The following TENM2 variants were observed in gnomAD, a reference collection of about 807,000 sequenced individuals.
The protein encoded by TENM2 is teneurin transmembrane protein 2, also known as teneurin-2.
A neutral mutation model predicts 245.2 loss-of-function variants in TENM2; 52 were observed. The observed-to-expected ratio is 0.21, with a 90% CI of 0.17 to 0.27. TENM2 has a LOEUF of 0.27. Ranked by LOEUF, TENM2 falls within the 10% of genes least tolerant of loss-of-function variation. The pLI is 1.00. For missense variants in TENM2, 3,046 were observed against 3,666.8 expected (o/e 0.83, Z 4.37); for synonymous variants, 1,363 against 1,438.9 (o/e 0.95, Z 1.19).
intron 2 of TENM2, among the ~76,000 whole-genome samples, chr5:167,556,470 G>A (rs992641497): frequency 3.6e-4 from 55 of 151,160 alleles, no homozygotes; most frequent in Admixed American, 3.3e-4. Context: ...CAGCGTGTAC[G>A]TTTGCTTATT....
At chr5:167,442,349 C>A (rs77752063) in intron 2 of TENM2, among the ~76,000 whole-genome samples, 135 of 152,244 alleles carry the variant, frequency 8.9e-4, no homozygotes, top group Middle Eastern at 3.4e-3. Context: ...ATACAAAATG[C>A]TGTGATAAAC....
At chr5:167,280,461 C>G (rs1044575841), upstream of TENM2, among the ~76,000 whole-genome samples, 1 of 152,126 alleles carries the variant, frequency 6.6e-6, no homozygotes, top group Non-Finnish European at 1.5e-5. Context: ...AGTCCTGGCT[C>G]TCCTGTACTG....
intron 25 of TENM2, among the ~76,000 whole-genome samples, chr5:168,240,278 G>A (rs532344453): frequency 6.6e-6 from 1 of 152,292 alleles, no homozygotes; most frequent in Admixed American, 6.5e-5. Flanking sequence ...GATTCAGCAG[G>A]CGTGGAGCCA....
chr5:167,980,752 T>A (rs796099491), intron 4 of TENM2, among the ~76,000 whole-genome samples: 1 of 152,242 alleles, frequency 6.6e-6, no homozygotes, highest in South Asian at 2.1e-4. Context: ...AAGATTGCTG[T>A]GTGCAGCAGG....
intron 2 of TENM2, among the ~76,000 whole-genome samples, chr5:167,740,278 T>C (rs567559839): frequency 5.9e-5 from 9 of 152,276 alleles, no homozygotes; most frequent in African/African-American, 2.2e-4. Context: ...GAAACACAAA[T>C]GCAGAAACGT....
At chr5:168,225,732 G>A (rs1764111736) in intron 23 of TENM2, among the ~76,000 whole-genome samples, 1 of 147,754 alleles carries the variant, frequency 6.8e-6, no homozygotes, top group Admixed American at 6.8e-5. Context: ...CTGCACTCCA[G>A]CCTGGGACAG....
chr5:168,102,196 C>T (rs1793876627), intron 9 of TENM2, among the ~76,000 whole-genome samples: 2 of 152,038 alleles, frequency 1.3e-5, no homozygotes, highest in East Asian at 1.9e-4. Flanking sequence ...GCCTCAGCCT[C>T]CTGAGTAGCT....
the TENM2 span, among the ~76,000 whole-genome samples, chr5:167,133,697 CTT>C: frequency 9.9e-5 from 15 of 151,442 alleles, no homozygotes; most frequent in Non-Finnish European, 2.1e-4. Context: ...TTTGCAGGGC[CTT>C]TGTTTCGTAG....
exon 29 of TENM2, chr5:168,262,552 C>G (rs368729024): frequency 1.3e-5 from 21 of 1,558,874 alleles, no homozygotes; most frequent in Non-Finnish European, 1.7e-5. Context: ...ACACCCTGGA[C>G]GAAGAGAAGG....
At chr5:167,698,687 T>TTTTTTTTTTTTTTTTTTTTTTTA (rs1757942479) in intron 2 of TENM2, among the ~76,000 whole-genome samples, 1 of 141,484 alleles carries the variant, frequency 7.1e-6, no homozygotes, top group Non-Finnish European at 1.5e-5. Flanking sequence ...TTGTTTTTTT[T>TTTTTTTTTTTTTTTTTTTTTTTA]TTTTTTTTTT....
chr5:168,178,906 G>A (rs778879993), intron 13 of TENM2, among the ~76,000 whole-genome samples: 3 of 152,022 alleles, frequency 2.0e-5, no homozygotes, highest in African/African-American at 4.8e-5. Flanking sequence ...AGGCCGAGGC[G>A]GATGGATCAC....
intron 7 of TENM2, among the ~76,000 whole-genome samples, chr5:168,062,863 C>G (rs1425761974): frequency 6.6e-6 from 1 of 152,148 alleles, no homozygotes; most frequent in Non-Finnish European, 1.5e-5. Flanking sequence ...TTGCCAGGAA[C>G]TGGGAATTGG....
chr5:167,665,317 A>C (rs1755499047), intron 2 of TENM2, among the ~76,000 whole-genome samples: 1 of 152,194 alleles, frequency 6.6e-6, no homozygotes, highest in South Asian at 2.1e-4. Flanking sequence ...TGATATTGTC[A>C]TTAGTGTCGG....
At chr5:167,004,775 A>G in the TENM2 span, among the ~76,000 whole-genome samples, 1 of 152,158 alleles carries the variant, frequency 6.6e-6, no homozygotes, top group Non-Finnish European at 1.5e-5. Context: ...ACTGGGTTAG[A>G]AGGGCCTTAC....
intron 2 of TENM2, among the ~76,000 whole-genome samples, chr5:167,852,810 G>A (rs1241045970): frequency 6.6e-6 from 1 of 152,158 alleles, no homozygotes; most frequent in African/African-American, 2.4e-5. Flanking sequence ...AAGGAATACA[G>A]CCATCCTAAT....
intron 9 of TENM2, among the ~76,000 whole-genome samples, chr5:168,116,606 C>T (rs1201222610): frequency 6.6e-6 from 1 of 152,164 alleles, no homozygotes; most frequent in Non-Finnish European, 1.5e-5. Flanking sequence ...TTTACTTAAT[C>T]AAGCCACCAT....
chr5:167,609,866 C>T (rs1339579206), intron 2 of TENM2, among the ~76,000 whole-genome samples: 1 of 152,094 alleles, frequency 6.6e-6, no homozygotes, highest in African/African-American at 2.4e-5. Context: ...AATTCTCCAG[C>T]AGACCCCAGC....
the TENM2 span, among the ~76,000 whole-genome samples, chr5:167,177,405 C>G: frequency 6.6e-6 from 1 of 152,202 alleles, no homozygotes; most frequent in Non-Finnish European, 1.5e-5. Flanking sequence ...ATGTCATACC[C>G]AACCTGAATT....
At chr5:167,833,251 A>G (rs918845549) in intron 2 of TENM2, among the ~76,000 whole-genome samples, 4 of 152,200 alleles carry the variant, frequency 2.6e-5, no homozygotes, top group African/African-American at 9.6e-5. Flanking sequence ...CACAAACGTT[A>G]TTAAAACTTG....
Sources: allele counts gnomAD v4.1 joint callset (sites outside exome capture counted in the v4.1 genomes callset), GRCh38; gene constraint gnomAD v4.1.1; transcripts MANE v1.5; gene names NCBI Gene and HGNC (gene_info 2026-07-23, HGNC 2026-07-21).